Variants in CNTN5 observed in about 807,000 individuals in gnomAD.
CNTN5 encodes contactin 5, also known as contactin-5.
In CNTN5, 77 loss-of-function variants were observed where a neutral mutation model predicts 129.1. The observed-to-expected ratio is 0.60, with a 90% confidence interval of 0.50 to 0.72. The LOEUF is 0.72. CNTN5 is among the 30% of genes least tolerant of loss of function. The pLI, the probability that CNTN5 is intolerant of heterozygous loss-of-function variation, is 0.00. For synonymous variants in CNTN5, 509 were observed against 465.6 expected (o/e 1.09, Z -1.20); for missense variants, 1,478 against 1,328.8 (o/e 1.11, Z -1.75).
intron 7 of CNTN5, among the ~76,000 whole-genome samples, chr11:99,928,594 GC>G (rs1396053631): frequency 1.3e-5 from 2 of 152,146 alleles, no homozygotes; most frequent in African/African-American, 4.8e-5. Context: ...CTTTACCTTG[GC>G]CCCTTTTAGC....
In CNTN5 at chr11:100,266,350, T is replaced by A. The variant is rs1950302690; in HGVS notation, c.2165-4742T>A. ...CTGTCATGTTCTCTCTGATGCACAA[T>A]GTTTTCTTTGAAACCAAGTTGTCCC... On this transcript the variant is annotated intron_variant, in intron 17 of 24. Coordinates refer to ENST00000524871, the MANE Select transcript of CNTN5 (RefSeq NM_014361.4). Among the ~76,000 whole-genome samples the A allele has an allele frequency of 2.6e-5, 4 of 152,136 alleles. 1 individual carries two copies. The South Asian group carries it at 6.2e-4, about 24-fold the overall frequency.
intron 1 of CNTN5, among the ~76,000 whole-genome samples, chr11:99,197,786 A>G (rs1344689518): frequency 2.0e-5 from 3 of 152,078 alleles, no homozygotes; most frequent in Non-Finnish European, 4.4e-5. Context: ...CCATTTAACT[A>G]TTGGATAATA....
At chr11:99,680,719 T>C (rs1953512518) in intron 3 of CNTN5, among the ~76,000 whole-genome samples, 1 of 151,956 alleles carries the variant, frequency 6.6e-6, no homozygotes, top group African/African-American at 2.4e-5. Flanking sequence ...CAGAAGGTTT[T>C]TACCTTACTT....
intron 16 of CNTN5, among the ~76,000 whole-genome samples, chr11:100,254,852 T>C (rs1950035229): frequency 6.6e-6 from 1 of 152,208 alleles, no homozygotes; most frequent in Non-Finnish European, 1.5e-5. Context: ...TAAAACATTA[T>C]TGTGACTTTA....
At chr11:99,433,908 G>A (rs1364885913) in intron 2 of CNTN5, among the ~76,000 whole-genome samples, 1 of 152,086 alleles carries the variant, frequency 6.6e-6, no homozygotes, top group Admixed American at 6.6e-5. Flanking sequence ...TAAGGCAGGT[G>A]GTGCTTTACT....
At chr11:99,688,875 G>A (rs1953910737) in intron 3 of CNTN5, among the ~76,000 whole-genome samples, 1 of 152,038 alleles carries the variant, frequency 6.6e-6, no homozygotes, top group African/African-American at 2.4e-5. Flanking sequence ...TACTGTTCCT[G>A]GGTTAGTTTG....
chr11:100,288,712 A>T (rs1186488783), intron 18 of CNTN5, among the ~76,000 whole-genome samples: 11 of 143,218 alleles, frequency 7.7e-5, no homozygotes, highest in African/African-American at 1.0e-4. Context: ...GAAAAGCAAG[A>T]GCAAACACAT....
chr11:99,530,676 G>C (rs1307313207), intron 2 of CNTN5, among the ~76,000 whole-genome samples: 3 of 152,312 alleles, frequency 2.0e-5, no homozygotes, highest in Non-Finnish European at 4.4e-5. Context: ...GACCCAAGAG[G>C]AGGTAATTGA....
At chr11:99,806,388 G>A (rs1314871745) in intron 3 of CNTN5, among the ~76,000 whole-genome samples, 1 of 152,088 alleles carries the variant, frequency 6.6e-6, no homozygotes, top group Non-Finnish European at 1.5e-5. Flanking sequence ...ACTTATAAAA[G>A]TGCCATGGAA....
intron 21 of CNTN5, among the ~76,000 whole-genome samples, chr11:100,318,110 G>C (rs1370849310): frequency 6.6e-6 from 1 of 151,662 alleles, no homozygotes; most frequent in African/African-American, 2.4e-5. Context: ...GCGCGGTGGT[G>C]GGCGCCTGTA....
chr11:100,168,575 A>C (rs1408011896), intron 13 of CNTN5, among the ~76,000 whole-genome samples: 1 of 151,990 alleles, frequency 6.6e-6, no homozygotes, highest in Admixed American at 6.6e-5. Flanking sequence ...TACTGCTCAG[A>C]ATAAGATTCC....
intron 1 of CNTN5, among the ~76,000 whole-genome samples, chr11:99,154,319 T>G (rs1860226991): frequency 6.6e-6 from 1 of 152,134 alleles, no homozygotes; most frequent in Admixed American, 6.5e-5. Context: ...AGGTTATCAC[T>G]TGAGACACCA....
chr11:100,193,383 C>T (rs551371281), intron 14 of CNTN5, 105 bp from the exon 15 acceptor site: 4 of 672,136 alleles, frequency 6.0e-6, no homozygotes, highest in Admixed American at 7.4e-5. Context: ...TCTGGAGCAA[C>T]TGTATTGTAT....
chr11:100,010,638 C>T (rs918895099), intron 9 of CNTN5, among the ~76,000 whole-genome samples: 2 of 152,068 alleles, frequency 1.3e-5, no homozygotes, highest in Non-Finnish European at 1.5e-5. Context: ...GTTTTCAGAA[C>T]CCTTGCCCCA....
At chr11:100,035,063 T>C (rs1941910320) in intron 9 of CNTN5, among the ~76,000 whole-genome samples, 1 of 152,182 alleles carries the variant, frequency 6.6e-6, no homozygotes. Flanking sequence ...GTTGGTGTGC[T>C]GCACCCATTA....
chr11:100,332,876 A>G (rs1951934388), intron 21 of CNTN5, among the ~76,000 whole-genome samples: 1 of 152,198 alleles, frequency 6.6e-6, no homozygotes, highest in South Asian at 2.1e-4. Flanking sequence ...TCCCCTGAGA[A>G]CTGGAACAAG....
At chr11:100,322,196 A>G (rs1262814330) in intron 21 of CNTN5, among the ~76,000 whole-genome samples, 1 of 149,376 alleles carries the variant, frequency 6.7e-6, no homozygotes, top group Non-Finnish European at 1.5e-5. Context: ...AGAGTCACCC[A>G]TATTGTTACA....
chr11:99,797,227 A>C (rs1406342244), intron 3 of CNTN5, among the ~76,000 whole-genome samples: 1 of 152,138 alleles, frequency 6.6e-6, no homozygotes, highest in Admixed American at 6.6e-5. Context: ...GTGCAGGCGT[A>C]ATTTTTGTAA....
intron 1 of CNTN5, among the ~76,000 whole-genome samples, chr11:99,256,596 A>C (rs538201748): frequency 9.2e-5 from 14 of 152,106 alleles, no homozygotes; most frequent in African/African-American, 3.4e-4. Context: ...ATAAATATAT[A>C]GATATATTTA....
Sources: allele counts gnomAD v4.1 joint callset (sites outside exome capture counted in the v4.1 genomes callset), GRCh38; gene constraint gnomAD v4.1.1; transcripts MANE v1.5; gene names NCBI Gene and HGNC (gene_info 2026-07-23, HGNC 2026-07-21).